The following MEOX2 variants were observed in gnomAD, a reference collection of about 807,000 sequenced individuals.
The protein encoded by MEOX2 is mesenchyme homeobox 2, also known as homeobox protein MOX-2.
MEOX2 carries 11 observed loss-of-function variants against 27.0 expected under a neutral mutation model. The observed-to-expected ratio is 0.41, with a 90% CI of 0.26 to 0.68. The LOEUF is 0.68. Ranked by LOEUF, MEOX2 falls within the 30% of genes least tolerant of loss-of-function variation. The probability of loss-of-function intolerance (pLI) is 0.33; values close to 1 mark genes in which losing one functional copy is unlikely to be tolerated. For missense variants in MEOX2, 436 were observed against 385.4 expected (o/e 1.13, Z -1.10); for synonymous variants, 189 against 155.4 (o/e 1.22, Z -1.61).
At chr7:15,660,411 C>G (rs1464868537) in intron 1 of MEOX2, among the ~76,000 whole-genome samples, 2 of 152,074 alleles carry the variant, frequency 1.3e-5, no homozygotes, top group Admixed American at 6.5e-5. Context: ...TTCTTTAAAT[C>G]CTGTCCACCC....
At chr7:15,624,789 T>C (rs1351707012) in intron 2 of MEOX2, among the ~76,000 whole-genome samples, 1 of 152,186 alleles carries the variant, frequency 6.6e-6, no homozygotes, top group East Asian at 1.9e-4. Flanking sequence ...TTTGGAGTGG[T>C]TTGTTACACA....
chr7:15,629,356 C>T (rs1477783366), intron 1 of MEOX2, among the ~76,000 whole-genome samples: 2 of 152,006 alleles, frequency 1.3e-5, no homozygotes, highest in East Asian at 3.9e-4. Context: ...GAGGTTTATA[C>T]AGCCAGTGAC....
intron 1 of MEOX2, among the ~76,000 whole-genome samples, chr7:15,656,430 T>G (rs1781822501): frequency 6.6e-6 from 1 of 151,302 alleles, no homozygotes; most frequent in African/African-American, 2.4e-5. Flanking sequence ...TGGTTTTTCA[T>G]GTTTTTCTTT....
At chr7:15,680,246 G>C (rs1419679162) in intron 1 of MEOX2, 2 of 151,730 alleles carry the variant, frequency 1.3e-5, no homozygotes, top group Non-Finnish European at 3.0e-5. Context: ...CATCTGAGAT[G>C]AGCACAAATG....
chr7:15,684,107 A>C (rs542238377), intron 1 of MEOX2, among the ~76,000 whole-genome samples: 10 of 152,302 alleles, frequency 6.6e-5, no homozygotes, highest in Non-Finnish European at 1.3e-4. Context: ...TGCTTGTATG[A>C]AAATTGTTTG....
At chr7:15,628,796 C>T (rs1396343918) in intron 1 of MEOX2, among the ~76,000 whole-genome samples, 2 of 152,224 alleles carry the variant, frequency 1.3e-5, no homozygotes, top group African/African-American at 2.4e-5. Context: ...TTTAGCTATT[C>T]TGGCATTGTG....
At chr7:15,624,462 C>A (rs1781266246) in intron 2 of MEOX2, among the ~76,000 whole-genome samples, 1 of 152,192 alleles carries the variant, frequency 6.6e-6, no homozygotes, top group African/African-American at 2.4e-5. Flanking sequence ...GGTCACATGG[C>A]TTGCTTTGGA....
intron 1 of MEOX2, among the ~76,000 whole-genome samples, chr7:15,661,938 A>C (rs1394073487): frequency 6.6e-6 from 1 of 152,206 alleles, no homozygotes; most frequent in East Asian, 1.9e-4. Context: ...AATGGAGTCA[A>C]GTTAAATAGG....
At chr7:15,619,663 T>C (rs1781188961) in intron 2 of MEOX2, among the ~76,000 whole-genome samples, 1 of 152,016 alleles carries the variant, frequency 6.6e-6, no homozygotes, top group South Asian at 2.1e-4. Flanking sequence ...TATATATCTA[T>C]AGATAGATAC....
intron 1 of MEOX2, 32 bp downstream of exon 1, chr7:15,685,854 C>T (rs576956999): frequency 6.5e-7 from 1 of 1,548,734 alleles, no homozygotes; most frequent in African/African-American, 1.4e-5. Flanking sequence ...CAGCCCGGCG[C>T]GCACTCTCGA....
chr7:15,614,339 A>G (rs545221035), intron 2 of MEOX2, among the ~76,000 whole-genome samples: 1 of 152,060 alleles, frequency 6.6e-6, no homozygotes, highest in East Asian at 1.9e-4. Flanking sequence ...GCTTGAGCCC[A>G]AGTGGTTGAG....
At chr7:15,660,547 T>G (rs1781895821) in intron 1 of MEOX2, among the ~76,000 whole-genome samples, 2 of 152,082 alleles carry the variant, frequency 1.3e-5, no homozygotes, top group South Asian at 4.1e-4. Flanking sequence ...AATCACTAGA[T>G]GCCAGTAGAA....
chr7:15,613,213 ATTTC>A (rs1781060677), intron 2 of MEOX2, among the ~76,000 whole-genome samples: 1 of 152,072 alleles, frequency 6.6e-6, no homozygotes, highest in African/African-American at 2.4e-5. Flanking sequence ...TGATCTAGTG[ATTTC>A]TTTAAAATAT....
chr7:15,648,214 A>G (rs1021576659), intron 1 of MEOX2, among the ~76,000 whole-genome samples: 1 of 152,104 alleles, frequency 6.6e-6, no homozygotes, highest in Non-Finnish European at 1.5e-5. Flanking sequence ...ATTATTATGA[A>G]CAGCATGAAT....
At chr7:15,677,412 T>C (rs539313147) in intron 1 of MEOX2, 16 of 152,302 alleles carry the variant, frequency 1.1e-4, no homozygotes, top group African/African-American at 2.9e-4. Context: ...GCCCTAACTA[T>C]TGTGTTCTCC....
intron 1 of MEOX2, among the ~76,000 whole-genome samples, chr7:15,675,116 T>C (rs1309999219): frequency 6.6e-6 from 1 of 152,180 alleles, no homozygotes; most frequent in African/African-American, 2.4e-5. Context: ...AAAAAACAGA[T>C]ACTTCAATTC....
At chr7:15,637,099 A>C (rs1248019426) in intron 1 of MEOX2, among the ~76,000 whole-genome samples, 1 of 152,104 alleles carries the variant, frequency 6.6e-6, no homozygotes, top group Non-Finnish European at 1.5e-5. Context: ...AAATTATACT[A>C]GGAAAATAAT....
At chr7:15,668,828 A>G (rs1053333983) in intron 1 of MEOX2, among the ~76,000 whole-genome samples, 1 of 152,118 alleles carries the variant, frequency 6.6e-6, no homozygotes, top group Non-Finnish European at 1.5e-5. Flanking sequence ...TCAACTGCAC[A>G]TGGGGATCTG....
intron 2 of MEOX2, among the ~76,000 whole-genome samples, chr7:15,619,397 G>T (rs75318715): frequency 6.6e-6 from 1 of 152,036 alleles, no homozygotes; most frequent in East Asian, 1.9e-4. Context: ...TTGTTAATTT[G>T]TTGATTACAT....
Sources: gnomAD v4.1 joint callset for allele counts (sites outside exome capture counted in the v4.1 genomes callset) on GRCh38, gnomAD v4.1.1 for gene constraint, MANE v1.5 for transcripts, NCBI Gene and HGNC (gene_info 2026-07-23, HGNC 2026-07-21) for gene names.